The following LYPLAL1 variants were observed in gnomAD, a reference collection of about 807,000 sequenced individuals.
LYPLAL1 encodes lysophospholipase like 1.
In LYPLAL1, 23 loss-of-function variants were observed where a neutral mutation model predicts 19.7. The ratio of observed to expected loss-of-function variants is 1.17; its 90% CI spans 0.84 to 1.65. The LOEUF is 1.65. LYPLAL1 is among the 40% of genes most tolerant of loss of function. The pLI, the probability that LYPLAL1 is intolerant of heterozygous loss-of-function variation, is 0.00. For missense variants in LYPLAL1, 355 were observed against 279.4 expected, an observed-to-expected ratio of 1.27 and a Z score of -1.93; for synonymous variants, 119 against 96.3, an observed-to-expected ratio of 1.24 and a Z score of -1.38.
At chr1:219,324,620 G>A in the LYPLAL1 span, among the ~76,000 whole-genome samples, 53 of 152,288 alleles carry the variant, frequency 3.5e-4, no homozygotes, top group African/African-American at 1.2e-3. Flanking sequence ...GAAGGAAGAA[G>A]GCTAAATCTG....
At chr1:219,379,557 G>T in the LYPLAL1 span, among the ~76,000 whole-genome samples, 271 of 152,298 alleles carry the variant, frequency 1.8e-3, 1 homozygote, top group Admixed American at 5.7e-3. Flanking sequence ...TCTCTGTTGG[G>T]TCTCAGGAAA....
At chr1:219,413,855 A>C in the LYPLAL1 span, among the ~76,000 whole-genome samples, 1 of 152,252 alleles carries the variant, frequency 6.6e-6, no homozygotes, top group Admixed American at 6.5e-5. Context: ...CATATTATGT[A>C]ACCTTTGGTA....
chr1:219,190,775 A>G (rs1044485918), intron 2 of LYPLAL1, among the ~76,000 whole-genome samples: 2 of 151,632 alleles, frequency 1.3e-5, no homozygotes, highest in Non-Finnish European at 3.0e-5. Flanking sequence ...TGAAATGACA[A>G]TAGGAAAAAA....
the LYPLAL1 span, among the ~76,000 whole-genome samples, chr1:219,356,239 T>C: frequency 3.9e-5 from 6 of 152,274 alleles, no homozygotes; most frequent in South Asian, 1.0e-3. Flanking sequence ...TGGTGGCTCA[T>C]GCCTGTAATC....
the LYPLAL1 span, among the ~76,000 whole-genome samples, chr1:219,249,232 T>A: frequency 5.9e-5 from 9 of 152,090 alleles, no homozygotes; most frequent in South Asian, 1.9e-3. Context: ...TCTTTCCCTT[T>A]AAAAAAATAA....
chr1:219,276,369 G>GA, the LYPLAL1 span, among the ~76,000 whole-genome samples: 95 of 145,636 alleles, frequency 6.5e-4, 1 homozygote, highest in South Asian at 5.5e-3. Flanking sequence ...GGAATTAAAG[G>GA]AAAAAAAAAA....
rs1656064479 is a variant in LYPLAL1 at position 219,179,233 on chromosome 1, A to G, written c.178A>G (p.Thr60Ala). 1 of 1,608,478 alleles carries G rather than the reference A, an allele frequency of 6.2e-7. No homozygotes were observed. Among genetic ancestry groups the G allele is most frequent in the Admixed American group, 1.7e-5 (1 of 59,594 alleles). The change falls in exon 2 of 5, where the codon ACA becomes GCA. Residue 60 changes from threonine (T) to alanine (A), a missense_variant. Coordinates refer to ENST00000366928, the MANE Select transcript of LYPLAL1 (RefSeq NM_138794.5). ...CCAACACATAAAAATTATTTATCCAACAGCTCCTCCCAGGTATGCAGTAAT... is the reference window on the plus strand; with the variant it reads ...CCAACACATAAAAATTATTTATCCAGCAGCTCCTCCCAGGTATGCAGTAAT... Reference protein sequence around the residue: ...TFQHIKIIYPTAPPRSYTPMK... With the variant: ...TFQHIKIIYPAAPPRSYTPMK...
At chr1:219,405,920 G>A in the LYPLAL1 span, among the ~76,000 whole-genome samples, 1 of 152,188 alleles carries the variant, frequency 6.6e-6, no homozygotes, top group Non-Finnish European at 1.5e-5. Context: ...GAGGTAGTCA[G>A]AGGTGTTTGG....
chr1:219,310,323 T>A, the LYPLAL1 span, among the ~76,000 whole-genome samples: 2 of 152,212 alleles, frequency 1.3e-5, no homozygotes. Context: ...TCACATGCAG[T>A]CAGCCCTGCC....
At chr1:219,350,732 A>G in the LYPLAL1 span, among the ~76,000 whole-genome samples, 4 of 152,212 alleles carry the variant, frequency 2.6e-5, no homozygotes, top group Non-Finnish European at 5.9e-5. Context: ...TGCTTTTCTA[A>G]GTAGCATGCA....
intron 2 of LYPLAL1, among the ~76,000 whole-genome samples, chr1:219,187,739 C>T (rs1487882516): frequency 6.6e-5 from 10 of 151,530 alleles, no homozygotes; most frequent in Admixed American, 1.3e-4. Flanking sequence ...CATAGTAAAC[C>T]ATGAATTCCT....
the LYPLAL1 span, among the ~76,000 whole-genome samples, chr1:219,221,486 T>C: frequency 6.6e-6 from 1 of 152,278 alleles, no homozygotes; most frequent in Admixed American, 6.5e-5. Flanking sequence ...GGAGTCTGAG[T>C]TGATCTTGCC....
chr1:219,253,626 G>C, the LYPLAL1 span, among the ~76,000 whole-genome samples: 1 of 151,682 alleles, frequency 6.6e-6, no homozygotes, highest in African/African-American at 2.4e-5. Flanking sequence ...TTTTTACTGA[G>C]CTGTGGTCCA....
At chr1:219,203,932 A>G (rs1658328542) in intron 3 of LYPLAL1, among the ~76,000 whole-genome samples, 1 of 152,188 alleles carries the variant, frequency 6.6e-6, no homozygotes, top group Non-Finnish European at 1.5e-5. Flanking sequence ...TTAAAATTTT[A>G]ATCATCTGTG....
At chr1:219,236,457 G>A in the LYPLAL1 span, among the ~76,000 whole-genome samples, 2 of 152,120 alleles carry the variant, frequency 1.3e-5, no homozygotes, top group African/African-American at 4.8e-5. Context: ...CAGACCTCTT[G>A]TTAATTTCAT....
chr1:219,259,471 A>G, the LYPLAL1 span, among the ~76,000 whole-genome samples: 1 of 151,084 alleles, frequency 6.6e-6, no homozygotes, highest in African/African-American at 2.4e-5. Context: ...TATAAAGGAA[A>G]GAGATAATGG....
chr1:219,230,627 G>A, the LYPLAL1 span, among the ~76,000 whole-genome samples: 2 of 152,192 alleles, frequency 1.3e-5, no homozygotes, highest in African/African-American at 4.8e-5. Flanking sequence ...TTAAAGATTA[G>A]CAGACAACCT....
At chr1:219,422,490 G>T in the LYPLAL1 span, among the ~76,000 whole-genome samples, 11 of 151,790 alleles carry the variant, frequency 7.2e-5, no homozygotes, top group African/African-American at 2.2e-4. Flanking sequence ...CAGGACAAAG[G>T]GTACATAGCA....
chr1:219,313,226 C>G, the LYPLAL1 span, among the ~76,000 whole-genome samples: 1 of 152,194 alleles, frequency 6.6e-6, no homozygotes, highest in Non-Finnish European at 1.5e-5. Flanking sequence ...AAGGAGTTCA[C>G]TGTCTACCGC....
Sources: allele counts gnomAD v4.1 joint callset (sites outside exome capture counted in the v4.1 genomes callset), GRCh38; gene constraint gnomAD v4.1.1; transcripts MANE v1.5; gene names NCBI Gene and HGNC (gene_info 2026-07-23, HGNC 2026-07-21).